IL7: variants seen among roughly 807,000 people sequenced by gnomAD.
IL7 encodes interleukin 7, also known as interleukin-7.
IL7 carries 3 observed loss-of-function variants against 21.6 expected under a neutral mutation model. That is an observed-to-expected ratio of 0.14 (90% confidence interval 0.06 to 0.36). The LOEUF is 0.36. Ranked by LOEUF, IL7 falls within the 10% of genes least tolerant of loss-of-function variation. The pLI is 1.00. For synonymous variants in IL7, 62 were observed against 68.1 expected (o/e 0.91, Z 0.44); for missense variants, 175 against 200.2 (o/e 0.87, Z 0.76).
intron 4 of IL7, among the ~76,000 whole-genome samples, chr8:78,737,932 A>T (rs1205608649): frequency 6.6e-6 from 1 of 152,168 alleles, no homozygotes; most frequent in East Asian, 1.9e-4. Context: ...TGCATTTTGT[A>T]GATAAGGAAA....
chr8:78,696,183 C>T (rs1448908694), intron 3 of IL7, among the ~76,000 whole-genome samples: 3 of 151,848 alleles, frequency 2.0e-5, no homozygotes, highest in African/African-American at 4.8e-5. Context: ...TACAGGCGCC[C>T]GCTACCACGC....
chr8:78,761,921 A>T, intron 2 of IL7: 3 of 1,611,382 alleles, frequency 1.9e-6, no homozygotes, highest in East Asian at 4.5e-5. Flanking sequence ...GATTTCAAGT[A>T]GATATTTGAG....
chr8:78,791,959 AAAAT>A (rs1813712568), intron 2 of IL7, among the ~76,000 whole-genome samples: 1 of 152,186 alleles, frequency 6.6e-6, no homozygotes, highest in African/African-American at 2.4e-5. Context: ...GTCAATCCAT[AAAAT>A]AAATATCAGC....
chr8:78,689,967 T>C (rs1810154325), intron 3 of IL7, among the ~76,000 whole-genome samples: 1 of 152,198 alleles, frequency 6.6e-6, no homozygotes, highest in Non-Finnish European at 1.5e-5. Context: ...TTCAGGCTGG[T>C]ATTTGTGTAT....
At chr8:78,726,350 C>T (rs1356253026) in intron 3 of IL7, among the ~76,000 whole-genome samples, 2 of 151,902 alleles carry the variant, frequency 1.3e-5, no homozygotes, top group Non-Finnish European at 2.9e-5. Context: ...AATAAGTGCA[C>T]AGGCTCTGTG....
At chr8:78,705,686 G>A (rs1216497018) in intron 3 of IL7, among the ~76,000 whole-genome samples, 1 of 152,192 alleles carries the variant, frequency 6.6e-6, no homozygotes, top group Non-Finnish European at 1.5e-5. Flanking sequence ...CTGCTAAGTT[G>A]CCCAAACAGC....
At chr8:78,713,577 A>G (rs1174808543), downstream of IL7, among the ~76,000 whole-genome samples, 1 of 152,188 alleles carries the variant, frequency 6.6e-6, no homozygotes, top group Non-Finnish European at 1.5e-5. Flanking sequence ...CAAAGAGGCT[A>G]TACACAAGAG....
chr8:78,697,958 G>A (rs1810483909), intron 3 of IL7, among the ~76,000 whole-genome samples: 1 of 152,112 alleles, frequency 6.6e-6, no homozygotes, highest in South Asian at 2.1e-4. Context: ...GATTACTGGC[G>A]TGAGCCACCG....
chr8:78,741,977 A>G (rs959898549), intron 2 of IL7, among the ~76,000 whole-genome samples: 1 of 152,150 alleles, frequency 6.6e-6, no homozygotes, highest in East Asian at 1.9e-4. Context: ...AGTCCCAATA[A>G]TTGTTTCTTA....
In IL7 at chr8:78,760,990, G is replaced by A; in HGVS notation, c.148-20908C>T. 6 of 1,594,366 alleles carry A rather than the reference G, an allele frequency of 3.8e-6. No individual in the cohort carries two copies. The South Asian group carries it at 6.9e-5, about 18-fold the overall frequency. On this transcript the variant is annotated intron_variant, in intron 2 of 5. Transcript: ENST00000263851. ...TTTTAAGAACAACAATAGTAACAAT[G>A]AAATCAAAATCTGTTACTGCACTGC...
downstream of IL7, chr8:78,715,121 T>A (rs1326837343): frequency 1.6e-5 from 16 of 1,024,814 alleles, no homozygotes; most frequent in South Asian, 2.0e-4. Context: ...TGAACTTCTC[T>A]GAAGCTTCTA....
At chr8:78,799,073 G>A (rs1349343290) in intron 1 of IL7, among the ~76,000 whole-genome samples, 1 of 151,998 alleles carries the variant, frequency 6.6e-6, no homozygotes, top group South Asian at 2.1e-4. Context: ...GATCATACAG[G>A]GACCTATTTC....
intron 3 of IL7, chr8:78,698,581 T>C: frequency 2.5e-6 from 3 of 1,192,872 alleles, no homozygotes; most frequent in Non-Finnish European, 3.4e-6. Context: ...TGTTATGTTT[T>C]GATAATTGCT....
At chr8:78,703,287 T>C (rs955727650) in intron 3 of IL7, among the ~76,000 whole-genome samples, 7 of 152,150 alleles carry the variant, frequency 4.6e-5, no homozygotes, top group Admixed American at 1.3e-4. Context: ...ATCTATCAGG[T>C]CCATTTGATC....
chr8:78,761,623 C>G (rs796458358), intron 2 of IL7: 2 of 1,611,978 alleles, frequency 1.2e-6, no homozygotes, highest in African/African-American at 2.7e-5. Context: ...CTGCTATGTC[C>G]ACTACATCGT....
chr8:78,734,256 T>A (rs1266187043), intron 5 of IL7, among the ~76,000 whole-genome samples: 7 of 152,182 alleles, frequency 4.6e-5, no homozygotes. Context: ...CTGATGGAAC[T>A]TGTACCCTAA....
chr8:78,794,894 C>A (rs190442779), intron 2 of IL7, among the ~76,000 whole-genome samples: 99 of 152,164 alleles, frequency 6.5e-4, no homozygotes, highest in Non-Finnish European at 1.3e-3. Context: ...TCTATCCACA[C>A]CCAAACCCAA....
At chr8:78,761,166 C>T (rs1812542592) in intron 2 of IL7, 1 of 1,589,686 alleles carries the variant, frequency 6.3e-7, no homozygotes, top group Non-Finnish European at 8.5e-7. Flanking sequence ...TGGCAGATTT[C>T]CTTCAGTTCT....
chr8:78,710,324 T>C (rs1020473102), intron 3 of IL7, among the ~76,000 whole-genome samples: 1 of 152,192 alleles, frequency 6.6e-6, no homozygotes, highest in Non-Finnish European at 1.5e-5. Flanking sequence ...TCAAGTTGAA[T>C]GTTATAATAC....
Sources: allele counts gnomAD v4.1 joint callset (sites outside exome capture counted in the v4.1 genomes callset), GRCh38; gene constraint gnomAD v4.1.1; transcripts MANE v1.5; gene names NCBI Gene and HGNC (gene_info 2026-07-23, HGNC 2026-07-21).